WWTR1: variants seen among roughly 807,000 people sequenced by gnomAD.
WWTR1 encodes the protein WW domain-containing transcription regulator protein 1.
A neutral mutation model predicts 40.1 loss-of-function variants in WWTR1; 13 were observed. The observed-to-expected ratio is 0.32, with a 90% CI of 0.21 to 0.52. WWTR1 has a LOEUF of 0.52. WWTR1 is among the 20% of genes least tolerant of loss of function. The pLI is 0.97. For synonymous variants in WWTR1, 230 were observed against 210.1 expected (o/e 1.09, Z -0.82); for missense variants, 436 against 523.1 (o/e 0.83, Z 1.63).
intron 2 of WWTR1, among the ~76,000 whole-genome samples, chr3:149,596,933 A>G (rs1180083214): frequency 6.6e-6 from 1 of 152,174 alleles, no homozygotes; most frequent in Non-Finnish European, 1.5e-5. Flanking sequence ...TTCTACCAAT[A>G]TCTATGACAC....
intron 2 of WWTR1, among the ~76,000 whole-genome samples, chr3:149,588,633 A>AG (rs1459504244): frequency 6.6e-6 from 1 of 152,174 alleles, no homozygotes; most frequent in African/African-American, 2.4e-5. Context: ...CATATGAACA[A>AG]GGGGGAAGTA....
At chr3:149,621,175 A>G (rs956172156) in intron 2 of WWTR1, among the ~76,000 whole-genome samples, 2 of 152,206 alleles carry the variant, frequency 1.3e-5, no homozygotes, top group Non-Finnish European at 2.9e-5. Context: ...TTAAAAGGGC[A>G]AAAAATATGA....
chr3:149,566,123 G>T (rs184355318), intron 3 of WWTR1, among the ~76,000 whole-genome samples: 417 of 152,234 alleles, frequency 2.7e-3, no homozygotes, highest in Non-Finnish European at 5.1e-3. Flanking sequence ...GAGACTAAGA[G>T]TTCGAGACCA....
At chr3:149,586,481 G>GA (rs946301683) in intron 2 of WWTR1, among the ~76,000 whole-genome samples, 1 of 152,200 alleles carries the variant, frequency 6.6e-6, no homozygotes, top group Non-Finnish European at 1.5e-5. Context: ...GATATATTAA[G>GA]AAATAAATCT....
intron 4 of WWTR1, among the ~76,000 whole-genome samples, chr3:149,529,791 C>T (rs1735481555): frequency 6.6e-6 from 1 of 152,176 alleles, no homozygotes; most frequent in Non-Finnish European, 1.5e-5. Context: ...CCCTCAAGCA[C>T]ACTCATACAC....
intron 3 of WWTR1, among the ~76,000 whole-genome samples, chr3:149,562,554 G>C (rs1737129944): frequency 6.7e-6 from 1 of 149,346 alleles, no homozygotes; most frequent in African/African-American, 2.5e-5. Flanking sequence ...GAATCTTGCT[G>C]CTTCAAAAAT....
At chr3:149,525,961 A>T in intron 6 of WWTR1, 52 bp downstream of exon 6, 1 of 1,019,662 alleles carries the variant, frequency 9.8e-7, no homozygotes, top group Admixed American at 2.6e-5. Context: ...AACCGAAGAG[A>T]TCATTTAAAA....
intron 2 of WWTR1, among the ~76,000 whole-genome samples, chr3:149,625,320 AT>A (rs1297927164): frequency 6.6e-6 from 1 of 151,044 alleles, no homozygotes; most frequent in Non-Finnish European, 1.5e-5. Context: ...GGGTTTCATC[AT>A]GTTAGCCAGG....
At chr3:149,628,301 C>T (rs1343553652) in intron 2 of WWTR1, among the ~76,000 whole-genome samples, 2 of 151,974 alleles carry the variant, frequency 1.3e-5, no homozygotes, top group Non-Finnish European at 1.5e-5. Flanking sequence ...ACCCGGGAGG[C>T]AGAGCTTGCG....
intron 1 of WWTR1, among the ~76,000 whole-genome samples, chr3:149,686,504 TG>T (rs1342197245): frequency 6.6e-6 from 1 of 152,088 alleles, no homozygotes; most frequent in Non-Finnish European, 1.5e-5. Flanking sequence ...CACTCCAGCC[TG>T]GGCAATACAT....
At chr3:149,705,653 A>G (rs1307740050), upstream of WWTR1, among the ~76,000 whole-genome samples, 1 of 152,216 alleles carries the variant, frequency 6.6e-6, no homozygotes, top group Non-Finnish European at 1.5e-5. Context: ...TTTCTTCTTA[A>G]TCCTTATATA....
intron 2 of WWTR1, among the ~76,000 whole-genome samples, chr3:149,594,203 C>T (rs937316369): frequency 1.3e-5 from 2 of 152,094 alleles, no homozygotes; most frequent in Non-Finnish European, 1.5e-5. Flanking sequence ...TTCCATATAG[C>T]AGAAGCCTAA....
At position 149,539,065 on chromosome 3, in the gene WWTR1, C is replaced by T. The variant is rs143232792; in HGVS notation, c.771+3270G>A. Among the ~76,000 whole-genome samples the T allele has an allele frequency of 6.3e-4, 96 of 152,254 alleles. 1 individual carries two copies. The East Asian group carries it at 0.016, about 25-fold the overall frequency. ...CTCAGATCCATTTTGTTAATGTTCTCGCATGATTTCAATGCCAATGAGTTA... is the reference window on the plus strand; with the variant it reads ...CTCAGATCCATTTTGTTAATGTTCTTGCATGATTTCAATGCCAATGAGTTA... On this transcript the variant is annotated intron_variant, in intron 4 of 6. Transcript: ENST00000360632.
At chr3:149,553,207 C>T (rs1331606473) in intron 3 of WWTR1, among the ~76,000 whole-genome samples, 1 of 152,168 alleles carries the variant, frequency 6.6e-6, no homozygotes, top group Non-Finnish European at 1.5e-5. Context: ...ACCCGGAACG[C>T]CTGCTAGAAT....
intron 3 of WWTR1, among the ~76,000 whole-genome samples, chr3:149,549,820 C>A (rs1736534936): frequency 6.6e-6 from 1 of 151,940 alleles, no homozygotes; most frequent in South Asian, 2.1e-4. Context: ...GCCTGGGCAA[C>A]AGAGTGAAAC....
At chr3:149,646,518 C>T (rs1448371163) in intron 2 of WWTR1, among the ~76,000 whole-genome samples, 1 of 152,228 alleles carries the variant, frequency 6.6e-6, no homozygotes, top group African/African-American at 2.4e-5. Flanking sequence ...TGTACACTGG[C>T]ATCAGTCCAT....
chr3:149,614,223 A>G (rs1739863903), intron 2 of WWTR1, among the ~76,000 whole-genome samples: 1 of 152,200 alleles, frequency 6.6e-6, no homozygotes, highest in Admixed American at 6.5e-5. Context: ...CCATAAGATC[A>G]TGATGGAGCT....
intron 6 of WWTR1, 56 bp from the exon 7 acceptor site, chr3:149,521,045 G>A: frequency 6.6e-7 from 1 of 1,509,760 alleles, no homozygotes; most frequent in Non-Finnish European, 8.9e-7. Context: ...TCTTGAAGGA[G>A]GAACAGTTCA....
intron 2 of WWTR1, among the ~76,000 whole-genome samples, chr3:149,624,217 G>A (rs539876849): frequency 6.6e-6 from 1 of 152,298 alleles, no homozygotes; most frequent in Admixed American, 6.5e-5. Flanking sequence ...GTGAGGGCGG[G>A]TAGAGGGAAG....
Sources: gnomAD v4.1 joint callset for allele counts (sites outside exome capture counted in the v4.1 genomes callset) on GRCh38, gnomAD v4.1.1 for gene constraint, MANE v1.5 for transcripts, NCBI Gene and HGNC (gene_info 2026-07-23, HGNC 2026-07-21) for gene names.